The following CADPS variants were observed in gnomAD, a reference collection of about 807,000 sequenced individuals.
The protein encoded by CADPS is calcium-dependent secretion activator 1.
In CADPS, 57 loss-of-function variants were observed where a neutral mutation model predicts 167.3. The observed-to-expected ratio is 0.34, with a 90% CI of 0.28 to 0.42. CADPS has a LOEUF of 0.42. Among genes scored for constraint, CADPS ranks in the 20% least tolerant of loss-of-function variants. The probability of loss-of-function intolerance (pLI) is 1.00; values close to 1 mark genes in which losing one functional copy is unlikely to be tolerated. For missense variants in CADPS, 1,414 were observed against 1,738.1 expected, an observed-to-expected ratio of 0.81 and a Z score of 3.32; for synonymous variants, 676 against 635.3, an observed-to-expected ratio of 1.06 and a Z score of -0.96.
chr3:62,550,752 G>A, intron 10 of CADPS: 1 of 455,250 alleles, frequency 2.2e-6, no homozygotes, highest in Non-Finnish European at 4.4e-6. Context: ...ACTTGTCCAG[G>A]TTTCAGTGGA....
intron 9 of CADPS, among the ~76,000 whole-genome samples, chr3:62,560,007 G>T (rs1191656004): frequency 6.9e-6 from 1 of 145,516 alleles, no homozygotes; most frequent in Non-Finnish European, 1.5e-5. Context: ...CTATTTCAGT[G>T]GCTTCCTTCT....
intron 3 of CADPS, among the ~76,000 whole-genome samples, chr3:62,715,392 A>ATCTG (rs1185683186): frequency 7.4e-6 from 1 of 135,592 alleles, no homozygotes; most frequent in African/African-American, 2.7e-5. Context: ...CTATCTATCT[A>ATCTG]TCTATCTGTA....
chr3:62,697,859 T>C (rs984055531), intron 3 of CADPS, among the ~76,000 whole-genome samples: 1 of 152,160 alleles, frequency 6.6e-6, no homozygotes, highest in Non-Finnish European at 1.5e-5. Flanking sequence ...TCATTAGTGA[T>C]GTCGAGTATT....
chr3:62,656,315 C>G (rs890875849), intron 4 of CADPS, among the ~76,000 whole-genome samples: 1 of 152,152 alleles, frequency 6.6e-6, no homozygotes, highest in Non-Finnish European at 1.5e-5. Context: ...GTGCTGGACA[C>G]TAGGTGAAAA....
intron 3 of CADPS, among the ~76,000 whole-genome samples, chr3:62,697,574 C>T (rs2080566303): frequency 6.6e-6 from 1 of 151,990 alleles, no homozygotes; most frequent in South Asian, 2.1e-4. Context: ...CATACGTGTG[C>T]AAGCGTCTTT....
At chr3:62,614,685 G>A (rs1195329604) in intron 6 of CADPS, among the ~76,000 whole-genome samples, 5 of 151,986 alleles carry the variant, frequency 3.3e-5, no homozygotes, top group Non-Finnish European at 5.9e-5. Context: ...TGTGCATGAT[G>A]TATATGCATA....
At chr3:62,671,341 C>G (rs1204910666) in intron 3 of CADPS, among the ~76,000 whole-genome samples, 2 of 151,744 alleles carry the variant, frequency 1.3e-5, no homozygotes, top group Non-Finnish European at 2.9e-5. Context: ...CTGTCCAATT[C>G]ACCTGCACTA....
At chr3:62,823,177 C>T (rs1025787952) in intron 1 of CADPS, among the ~76,000 whole-genome samples, 4 of 152,176 alleles carry the variant, frequency 2.6e-5, no homozygotes, top group Admixed American at 6.5e-5. Flanking sequence ...TGTGTTGTGG[C>T]AGCACTAACT....
At chr3:62,662,183 G>A (rs2073397807) in intron 4 of CADPS, 131 bp downstream of exon 4, 1 of 776,136 alleles carries the variant, frequency 1.3e-6, no homozygotes, top group Non-Finnish European at 2.2e-6. Context: ...AGGGCCCAAT[G>A]AGGGTGATTG....
intron 18 of CADPS, among the ~76,000 whole-genome samples, chr3:62,496,750 A>G (rs1284383642): frequency 6.6e-6 from 1 of 152,212 alleles, no homozygotes; most frequent in Non-Finnish European, 1.5e-5. Flanking sequence ...AAACTCCTGG[A>G]CACCCTGCGT....
chr3:62,794,793 A>AAAAAAAAAG (rs1553689823), intron 1 of CADPS, among the ~76,000 whole-genome samples: 2,124 of 136,568 alleles, frequency 0.016, 65 homozygotes, highest in African/African-American at 0.069. Flanking sequence ...AAAAAAAAAA[A>AAAAAAAAAG]AAAAAAAAAA....
Position 62,601,763 on chromosome 3 carries a change from G to T in CADPS, c.1326-9015C>A, listed in dbSNP as rs186892642. ...GAGTAGCAGATGATTCATATTTAGG[G>T]GGATGGGGATGACTTTTAAAGTCAC... On this transcript the variant is annotated intron_variant, in intron 6 of 29. Coordinates refer to ENST00000383710, the MANE Select transcript of CADPS (RefSeq NM_003716.4). This position sits in a 1 kb window ranked among gnomAD's most constrained non-coding sequence, Gnocchi z 4.3. 2.0e-5 allele frequency among the ~76,000 whole-genome samples: 3 copies of T among 152,222 alleles called. No homozygotes were observed. The East Asian group carries it at 5.8e-4, about 29-fold the overall frequency.
chr3:62,816,473 T>C (rs2094618944), intron 1 of CADPS, among the ~76,000 whole-genome samples: 1 of 151,974 alleles, frequency 6.6e-6, no homozygotes, highest in African/African-American at 2.4e-5. Context: ...GGAGATGACT[T>C]AACAACAACA....
intron 8 of CADPS, among the ~76,000 whole-genome samples, chr3:62,581,419 G>A (rs1460250806): frequency 4.3e-5 from 6 of 140,834 alleles, no homozygotes; most frequent in African/African-American, 1.6e-4. Context: ...TTAAAATAAG[G>A]ACATTAAATT....
intron 17 of CADPS, among the ~76,000 whole-genome samples, chr3:62,508,350 C>A (rs2067069940): frequency 6.6e-6 from 1 of 152,162 alleles, no homozygotes; most frequent in Non-Finnish European, 1.5e-5. Context: ...CAAGAAACCT[C>A]TTTTGTGTTA....
intron 6 of CADPS, among the ~76,000 whole-genome samples, chr3:62,624,638 C>G (rs975280000): frequency 3.3e-5 from 5 of 152,078 alleles, no homozygotes; most frequent in African/African-American, 7.2e-5. Context: ...TGGAAATTCC[C>G]AAACACAGAT....
At chr3:62,401,897 A>T (rs918721989) in intron 29 of CADPS, among the ~76,000 whole-genome samples, 2 of 152,196 alleles carry the variant, frequency 1.3e-5, no homozygotes, top group Admixed American at 6.5e-5. Context: ...TGTCTACCCA[A>T]TAAGGGTCAA....
chr3:62,575,387 G>A (rs1051052230), intron 8 of CADPS, among the ~76,000 whole-genome samples: 1 of 152,152 alleles, frequency 6.6e-6, no homozygotes, highest in African/African-American at 2.4e-5. Flanking sequence ...AGATTCATGT[G>A]CAAACTTGGG....
At chr3:62,416,073 C>T (rs1238086305) in intron 28 of CADPS, among the ~76,000 whole-genome samples, 3 of 152,112 alleles carry the variant, frequency 2.0e-5, no homozygotes, top group African/African-American at 4.8e-5. Flanking sequence ...AGCTTCCTTG[C>T]TGCCCTATTT....
Sources: gnomAD v4.1 joint callset for allele counts (sites outside exome capture counted in the v4.1 genomes callset) on GRCh38, gnomAD v4.1.1 for gene constraint, Gnocchi (gnomAD v3.1) non-coding constraint, MANE v1.5 for transcripts, NCBI Gene and HGNC (gene_info 2026-07-23, HGNC 2026-07-21) for gene names.